Variants in KCNAB2 observed in about 807,000 individuals in gnomAD.
KCNAB2 encodes the protein voltage-gated potassium channel subunit beta-2.
KCNAB2 carries 29 observed loss-of-function variants against 63.6 expected under a neutral mutation model. The observed-to-expected ratio is 0.46, with a 90% CI of 0.34 to 0.62. The LOEUF is 0.62. KCNAB2 is among the 20% of genes least tolerant of loss of function. The probability of loss-of-function intolerance (pLI) is 0.01; values close to 1 mark genes in which losing one functional copy is unlikely to be tolerated. For missense variants in KCNAB2, 359 were observed against 563.9 expected (o/e 0.64, Z 3.68); for synonymous variants, 222 against 224.2 (o/e 0.99, Z 0.09).
At position 5,994,337 on chromosome 1, in the gene KCNAB2, T is replaced by G. The variant is rs1431728708; in HGVS notation, c.-53+1549T>G. The stretch of plus-strand genomic sequence containing the variant: ...CTGATTCTCGCCTGGCGGCCGTGTC[T>G]GCTGCAGAGCCCTGTGCAGCTCCTG... On this transcript the variant is annotated intron_variant, in intron 1 of 16. Coordinates refer to the KCNAB2 transcript ENST00000341524. This position sits in a 1 kb window ranked among gnomAD's most constrained non-coding sequence, Gnocchi z 5.4. Among the ~76,000 whole-genome samples, 1 of 152,232 alleles carries G rather than the reference T, an allele frequency of 6.6e-6. No individual in the cohort carries two copies. The highest frequency in any genetic ancestry group is 1.5e-5 in the Non-Finnish European group (1 of 68,040).
intron 1 of KCNAB2, among the ~76,000 whole-genome samples, chr1:6,047,960 G>A (rs1038410299): frequency 6.6e-6 from 1 of 152,238 alleles, no homozygotes; most frequent in Non-Finnish European, 1.5e-5. Flanking sequence ...GCTCCCACCT[G>A]CAGGTCTGCT....
In KCNAB2 at chr1:6,100,056, C is replaced by G; in HGVS notation, c.*1482C>G. The stretch of plus-strand genomic sequence containing the variant: ...GCCTGTGTCTCCTGCCCCCAGGGCG[C>G]ACCCTCAGTGCAGGCACCTCTGTTC... On this transcript the variant is annotated 3_prime_UTR_variant, in exon 16 of 16. Coordinates refer to ENST00000378083, the MANE Select transcript of KCNAB2 (RefSeq NM_001199862.2). 6.7e-7 allele frequency: 1 copy of G among 1,497,076 alleles called. No individual in the cohort carries two copies. The highest frequency in any genetic ancestry group is 1.3e-5 in the South Asian group (1 of 74,876). The allele number at this position is 1,497,076 out of a possible 1,614,324, so 92.7% of individuals were successfully genotyped here.
chr1:6,001,331 C>T (rs886288907), intron 1 of KCNAB2, among the ~76,000 whole-genome samples: 1 of 150,734 alleles, frequency 6.6e-6, no homozygotes, highest in Non-Finnish European at 1.5e-5. Context: ...CACACACACA[C>T]TCTCCCAACA....
intron 1 of KCNAB2, among the ~76,000 whole-genome samples, chr1:5,993,332 C>G (rs1656672813): frequency 6.6e-6 from 1 of 151,788 alleles, no homozygotes; most frequent in Admixed American, 6.6e-5. Flanking sequence ...CCTCCGACCT[C>G]TCCCCGCGGG....
chr1:6,089,761 G>A (rs542244274), intron 8 of KCNAB2, among the ~76,000 whole-genome samples: 5 of 152,304 alleles, frequency 3.3e-5, no homozygotes, highest in African/African-American at 4.8e-5. Context: ...GCAGCGGCAC[G>A]ATCTTGGCTC....
At chr1:6,090,611 G>C (rs367838951) in intron 9 of KCNAB2, 136 bp downstream of exon 9, 7 of 643,086 alleles carry the variant, frequency 1.1e-5, no homozygotes, top group East Asian at 5.6e-5. Flanking sequence ...GGTCCAGGGT[G>C]GGGGGCGAGG....
chr1:6,017,394 C>T (rs949465669), intron 1 of KCNAB2, among the ~76,000 whole-genome samples: 4 of 145,304 alleles, frequency 2.8e-5, no homozygotes, highest in African/African-American at 7.7e-5. Context: ...AGGTGCACAT[C>T]ACCATACCTG....
upstream of KCNAB2, among the ~76,000 whole-genome samples, chr1:6,042,273 C>T (rs972881773): frequency 2.0e-5 from 3 of 152,194 alleles, no homozygotes; most frequent in Non-Finnish European, 4.4e-5. Flanking sequence ...CCCCCTTTGC[C>T]TGTGGGTTTG....
At chr1:6,040,635 A>G (rs745949762) in exon 2 of KCNAB2, 1 of 1,613,154 alleles carries the variant, frequency 6.2e-7, no homozygotes, top group African/African-American at 1.3e-5. Flanking sequence ...CTCCCCCGGG[A>G]TGATCTACAG....
rs779789708 is a variant in KCNAB2, at chr1:6,085,203, G to A, written c.381-1G>A. ...TGAGAGCTCGGTGTCTTGTTTTGCA[G>A]GGCTGAAGTGGTACTGGGAAACATC... On this transcript the variant is annotated splice_acceptor_variant, in intron 5 of 15. Transcript: ENST00000378083. LOFTEE classifies it high-confidence loss of function. 1 of 1,613,992 alleles carries A rather than the reference G, an allele frequency of 6.2e-7. No individual in the cohort carries two copies. The highest frequency in any genetic ancestry group is 1.3e-5 in the African/African-American group (1 of 74,998).
Position 6,069,183 on chromosome 1 carries a change from G to A in KCNAB2, c.219-3572G>A, listed in dbSNP as rs963766982. Among the ~76,000 whole-genome samples the A allele has an allele frequency of 5.9e-5, 9 of 152,316 alleles. No homozygotes were observed. The highest frequency in any genetic ancestry group is 1.7e-4 in the African/African-American group (7 of 41,576). ...AGGCGTGCAAACATCATCACTGCACGGAGCAGACAGGCGAGCAGGGCACTA... is the reference window on the plus strand; with the variant it reads ...AGGCGTGCAAACATCATCACTGCACAGAGCAGACAGGCGAGCAGGGCACTA... On this transcript the variant is annotated intron_variant, in intron 2 of 15. Coordinates refer to ENST00000378083, the MANE Select transcript of KCNAB2 (RefSeq NM_001199862.2). The surrounding 1 kb of genome is among the most constrained non-coding windows in gnomAD (Gnocchi z 5.4).
At chr1:6,066,820 C>A (rs1338283733) in intron 2 of KCNAB2, among the ~76,000 whole-genome samples, 2 of 152,236 alleles carry the variant, frequency 1.3e-5, no homozygotes, top group Admixed American at 1.3e-4. Flanking sequence ...CTCTAGCAGG[C>A]GGGACTCTTG....
chr1:6,084,767 G>A (rs553744388), intron 5 of KCNAB2, among the ~76,000 whole-genome samples: 1 of 126,648 alleles, frequency 7.9e-6, no homozygotes, highest in South Asian at 3.0e-4. Context: ...AGAGAGCCGA[G>A]ATCTCGCCAC....
intron 1 of KCNAB2, among the ~76,000 whole-genome samples, chr1:6,009,672 T>C (rs1201237310): frequency 6.6e-6 from 1 of 152,228 alleles, no homozygotes; most frequent in Non-Finnish European, 1.5e-5. Flanking sequence ...GCGGTTCCAC[T>C]GTGAAGGCAA....
chr1:6,014,554 C>CAGCA (rs1432362536), intron 1 of KCNAB2, among the ~76,000 whole-genome samples: 1 of 152,240 alleles, frequency 6.6e-6, no homozygotes, highest in African/African-American at 2.4e-5. Context: ...GCATTAGAGA[C>CAGCA]AGCAGCCTGC....
upstream of KCNAB2, among the ~76,000 whole-genome samples, chr1:6,042,149 C>T (rs1353102793): frequency 3.3e-5 from 5 of 152,180 alleles, no homozygotes; most frequent in African/African-American, 1.2e-4. Context: ...AAGCTCTCAG[C>T]CAAATCTACC....
At chr1:6,029,220 C>T (rs1238334488) in intron 1 of KCNAB2, among the ~76,000 whole-genome samples, 1 of 149,340 alleles carries the variant, frequency 6.7e-6, no homozygotes, top group Admixed American at 6.8e-5. Context: ...GAGGCAGAGG[C>T]TGCAGTGAGC....
At chr1:6,091,646 A>G (rs1665197551) in intron 10 of KCNAB2, among the ~76,000 whole-genome samples, 1 of 151,996 alleles carries the variant, frequency 6.6e-6, no homozygotes, top group Non-Finnish European at 1.5e-5. Context: ...GGATGGTGCC[A>G]TGGGAAGGGT....
intron 1 of KCNAB2, among the ~76,000 whole-genome samples, chr1:6,047,167 G>C (rs1232438223): frequency 6.6e-6 from 1 of 152,188 alleles, no homozygotes; most frequent in Admixed American, 6.5e-5. Context: ...CGGGATTTGG[G>C]ATATTTTGAA....
Sources: gnomAD v4.1 joint callset for allele counts (sites outside exome capture counted in the v4.1 genomes callset) on GRCh38, gnomAD v4.1.1 for gene constraint, Gnocchi (gnomAD v3.1) non-coding constraint, MANE v1.5 for transcripts, NCBI Gene and HGNC (gene_info 2026-07-23, HGNC 2026-07-21) for gene names.